Variants in ASPRV1 observed in about 807,000 individuals in gnomAD.
ASPRV1 encodes retroviral-like aspartic protease 1.
In ASPRV1, 7 loss-of-function variants were observed where a neutral mutation model predicts 11.0. The ratio of observed to expected loss-of-function variants is 0.64; its 90% CI spans 0.36 to 1.20. The LOEUF (loss-of-function observed/expected upper bound fraction) is 1.20. ASPRV1 is among the 50% of genes most tolerant of loss of function. The pLI is 0.02. For missense variants in ASPRV1, 299 were observed against 320.0 expected (o/e 0.93, Z 0.50); for synonymous variants, 136 against 138.4 (o/e 0.98, Z 0.12).
downstream of ASPRV1, among the ~76,000 whole-genome samples, chr2:69,959,725 C>G (rs963296481): frequency 6.6e-6 from 1 of 152,210 alleles, no homozygotes; most frequent in African/African-American, 2.4e-5. Context: ...GCTGTAAGAA[C>G]CTATTTGCCC....
chr2:69,993,106 G>C, the ASPRV1 span, among the ~76,000 whole-genome samples: 31 of 152,300 alleles, frequency 2.0e-4, no homozygotes, highest in Non-Finnish European at 4.3e-4. Context: ...AGGGAGTGGG[G>C]AGGAATCAGG....
the ASPRV1 span, among the ~76,000 whole-genome samples, chr2:70,044,939 A>C: frequency 6.6e-6 from 1 of 152,194 alleles, no homozygotes. Context: ...TTAAGCAGTA[A>C]ACCAATTACC....
chr2:70,055,237 G>A, the ASPRV1 span, among the ~76,000 whole-genome samples: 6 of 152,298 alleles, frequency 3.9e-5, no homozygotes, highest in South Asian at 2.1e-4. Flanking sequence ...CTGGGAGGTG[G>A]AGGTTGCAGT....
the ASPRV1 span, among the ~76,000 whole-genome samples, chr2:70,077,889 CG>C: frequency 6.6e-6 from 1 of 151,476 alleles, no homozygotes; most frequent in Admixed American, 6.6e-5. Flanking sequence ...ATAAATTAGC[CG>C]GGCGTGGTGG....
At chr2:70,072,230 G>C in the ASPRV1 span, among the ~76,000 whole-genome samples, 9 of 151,534 alleles carry the variant, frequency 5.9e-5, no homozygotes, top group African/African-American at 2.2e-4. Context: ...GGGATTACAG[G>C]TGTGAGCCAC....
At chr2:69,956,435 AAGG>A, downstream of ASPRV1, among the ~76,000 whole-genome samples, 1 of 149,894 alleles carries the variant, frequency 6.7e-6, no homozygotes. Flanking sequence ...AAGAAAGAAG[AAGG>A]AGAAGGAGAA....
the ASPRV1 span, chr2:69,996,555 G>A: frequency 2.6e-6 from 1 of 384,046 alleles, no homozygotes; most frequent in South Asian, 2.0e-5. Context: ...GGGCAGTGAT[G>A]TTCCAGAACA....
the ASPRV1 span, among the ~76,000 whole-genome samples, chr2:70,064,765 T>C: frequency 2.0e-5 from 3 of 152,290 alleles, no homozygotes; most frequent in East Asian, 5.8e-4. Context: ...GTGTCAGACA[T>C]TGTCCTAGGT....
At chr2:70,084,926 T>C in the ASPRV1 span, among the ~76,000 whole-genome samples, 3 of 152,244 alleles carry the variant, frequency 2.0e-5, no homozygotes, top group Non-Finnish European at 2.9e-5. Context: ...AAAATATATC[T>C]GATAGTAACA....
chr2:70,086,350 G>A, the ASPRV1 span: 1 of 152,274 alleles, frequency 6.6e-6, no homozygotes, highest in Non-Finnish European at 1.5e-5. Flanking sequence ...TTCCCTGAGA[G>A]ATTGTGAAGC....
the ASPRV1 span, among the ~76,000 whole-genome samples, chr2:69,968,768 T>C: frequency 1 from 152,284 of 152,316 alleles, 76,126 homozygotes; most frequent in Middle Eastern, 1. Flanking sequence ...GCCTGAGTCT[T>C]GGGCACTGGA....
chr2:70,062,660 G>A, the ASPRV1 span, among the ~76,000 whole-genome samples: 15 of 152,240 alleles, frequency 9.9e-5, no homozygotes, highest in Admixed American at 4.6e-4. Flanking sequence ...AAGTGTGATG[G>A]TGCACACCTA....
At chr2:70,024,703 A>G in the ASPRV1 span, among the ~76,000 whole-genome samples, 1 of 152,056 alleles carries the variant, frequency 6.6e-6, no homozygotes, top group Non-Finnish European at 1.5e-5. Context: ...TTGTAGCTCC[A>G]GGTGTGACTG....
the ASPRV1 span, among the ~76,000 whole-genome samples, chr2:69,982,379 C>A: frequency 6.6e-6 from 1 of 152,062 alleles, no homozygotes; most frequent in South Asian, 2.1e-4. Flanking sequence ...TCACTCAAGC[C>A]CAGAAGTTCA....
the ASPRV1 span, among the ~76,000 whole-genome samples, chr2:69,947,389 A>C: frequency 9.7e-4 from 147 of 152,302 alleles, 1 homozygote; most frequent in South Asian, 0.011. Flanking sequence ...TACCTCAGGG[A>C]AACAGTGAAT....
the ASPRV1 span, chr2:70,053,633 G>A: frequency 6.6e-6 from 1 of 152,180 alleles, no homozygotes; most frequent in African/African-American, 2.4e-5. Flanking sequence ...GTTAAGCAGA[G>A]GATAGAAACC....
At chr2:70,044,600 C>G in the ASPRV1 span, among the ~76,000 whole-genome samples, 1 of 152,210 alleles carries the variant, frequency 6.6e-6, no homozygotes, top group Non-Finnish European at 1.5e-5. Context: ...GCTGGGATCA[C>G]AGGCATGAGC....
chr2:69,997,353 T>A, the ASPRV1 span, among the ~76,000 whole-genome samples: 1 of 152,016 alleles, frequency 6.6e-6, no homozygotes, highest in Admixed American at 6.6e-5. Context: ...GGCCTAGAGA[T>A]CTAAATACTG....
At chr2:69,948,894 T>G in the ASPRV1 span, among the ~76,000 whole-genome samples, 1 of 146,396 alleles carries the variant, frequency 6.8e-6, no homozygotes, top group Non-Finnish European at 1.5e-5. Context: ...ACCCCACCCC[T>G]CTCCTCACTC....
Sources: allele counts gnomAD v4.1 joint callset (sites outside exome capture counted in the v4.1 genomes callset), GRCh38; gene constraint gnomAD v4.1.1; transcripts MANE v1.5; gene names NCBI Gene and HGNC (gene_info 2026-07-23, HGNC 2026-07-21).